The following ARHGAP29 variants were observed in gnomAD, a reference collection of about 807,000 sequenced individuals.
ARHGAP29 encodes the protein rho GTPase-activating protein 29.
Under a neutral mutation model 122.6 loss-of-function variants are expected in ARHGAP29, and 43 were observed. The ratio of observed to expected loss-of-function variants is 0.35; its 90% CI spans 0.27 to 0.45. The LOEUF (loss-of-function observed/expected upper bound fraction) is 0.45. Among genes scored for constraint, ARHGAP29 ranks in the 20% least tolerant of loss-of-function variants. ARHGAP29 has a pLI of 1.00. For synonymous variants in ARHGAP29, 506 were observed against 497.1 expected (o/e 1.02, Z -0.24); for missense variants, 1,303 against 1,477.2 (o/e 0.88, Z 1.93).
chr1:94,237,485 G>A lies in ARHGAP29; in HGVS notation c.-103C>T. 1.0e-6 allele frequency: 1 copy of A among 989,084 alleles called. No individual in the cohort carries two copies. Among genetic ancestry groups the A allele is most frequent in the South Asian group, 4.5e-5 (1 of 22,256 alleles). 61.3% of individuals were successfully genotyped at this position (989,084 alleles called of 1,614,324 possible). On this transcript the variant is annotated 5_prime_UTR_variant, in exon 1 of 23. Coordinates refer to ENST00000260526, the MANE Select transcript of ARHGAP29 (RefSeq NM_004815.4). Reference sequence around the variant, plus strand: ...CCTACGGCCGCCGCCACCGCCGAGGGCTGGAGCTCGCTGCCCCCATCCCCC... The same window carrying A: ...CCTACGGCCGCCGCCACCGCCGAGGACTGGAGCTCGCTGCCCCCATCCCCC...
rs1390862797 is a variant in ARHGAP29, at chr1:94,169,139, G to A, written c.*4730C>T. 3.3e-5 allele frequency among the ~76,000 whole-genome samples: 5 copies of A among 152,016 alleles called. No individual in the cohort carries two copies. Among genetic ancestry groups the A allele is most frequent in the Non-Finnish European group, 5.9e-5 (4 of 68,018 alleles). On this transcript the variant is annotated 3_prime_UTR_variant, in exon 23 of 23. Transcript: ENST00000260526. ...ACATTCCTGGTAAATATGTATAATC[G>A]TACACTTTTAAACTTTCTCTGATAA...
chr1:94,183,605 A>C (rs1339440861), intron 19 of ARHGAP29, among the ~76,000 whole-genome samples: 1 of 152,174 alleles, frequency 6.6e-6, no homozygotes, highest in Non-Finnish European at 1.5e-5. Context: ...ACATGTTCCC[A>C]GGACTCATTC....
chr1:94,219,231 C>T (rs1444651416), intron 3 of ARHGAP29, among the ~76,000 whole-genome samples: 1 of 152,168 alleles, frequency 6.6e-6, no homozygotes, highest in East Asian at 1.9e-4. Flanking sequence ...TTATCGGTAG[C>T]ATTTAACACT....
At chr1:94,302,566 C>T in the ARHGAP29 span, 1 of 355,346 alleles carries the variant, frequency 2.8e-6, no homozygotes, top group Non-Finnish European at 5.5e-6. Flanking sequence ...ATCACTGCTA[C>T]CCAGAAGACT....
intron 1 of ARHGAP29, among the ~76,000 whole-genome samples, chr1:94,265,646 C>T (rs145870086): frequency 6.6e-6 from 1 of 152,268 alleles, no homozygotes; most frequent in African/African-American, 2.4e-5. Context: ...TCTATGTTAC[C>T]AATTTTGAAA....
At chr1:94,229,264 G>C (rs556568476) in intron 2 of ARHGAP29, among the ~76,000 whole-genome samples, 3 of 151,832 alleles carry the variant, frequency 2.0e-5, no homozygotes, top group Admixed American at 2.0e-4. Context: ...AATAGTTAGA[G>C]CATTTTAAAC....
At chr1:94,314,537 A>G in the ARHGAP29 span, among the ~76,000 whole-genome samples, 105 of 152,290 alleles carry the variant, frequency 6.9e-4, 1 homozygote, top group African/African-American at 2.5e-3. Flanking sequence ...GGCAGCACTG[A>G]GTTGACCAAG....
chr1:94,180,033 G>A (rs1649357633), intron 19 of ARHGAP29, 76 bp from the exon 20 acceptor site: 2 of 974,394 alleles, frequency 2.1e-6, no homozygotes, highest in East Asian at 2.5e-5. Flanking sequence ...AACAGTTACA[G>A]AGTGATTTAG....
intron 22 of ARHGAP29, chr1:94,176,598 T>C (rs541084221): frequency 1.3e-5 from 2 of 152,210 alleles, no homozygotes; most frequent in African/African-American, 4.8e-5. Flanking sequence ...ACCTGGTGAA[T>C]GTTAGTTCCA....
At chr1:94,196,885 T>C (rs1273839031) in intron 12 of ARHGAP29, among the ~76,000 whole-genome samples, 1 of 152,098 alleles carries the variant, frequency 6.6e-6, no homozygotes, top group Non-Finnish European at 1.5e-5. Context: ...ACATAAGCAA[T>C]GCTTAGAGCG....
intron 12 of ARHGAP29, among the ~76,000 whole-genome samples, chr1:94,198,453 A>T (rs1650605594): frequency 6.6e-6 from 1 of 152,192 alleles, no homozygotes; most frequent in African/African-American, 2.4e-5. Context: ...CCTGAGTGAC[A>T]GAGTAAAACC....
intron 2 of ARHGAP29, among the ~76,000 whole-genome samples, chr1:94,228,260 G>A (rs2101606077): frequency 6.6e-6 from 1 of 151,750 alleles, no homozygotes; most frequent in African/African-American, 2.4e-5. Flanking sequence ...TCTCACTTGG[G>A]AAATTTTCAT....
the ARHGAP29 span, among the ~76,000 whole-genome samples, chr1:94,314,292 A>C: frequency 6.6e-6 from 1 of 152,312 alleles, no homozygotes; most frequent in Non-Finnish European, 1.5e-5. Flanking sequence ...CAAAAGCACA[A>C]GGCTGCTTCA....
At chr1:94,272,037 G>A (rs956998692) in intron 1 of ARHGAP29, among the ~76,000 whole-genome samples, 2 of 152,130 alleles carry the variant, frequency 1.3e-5, no homozygotes, top group Non-Finnish European at 2.9e-5. Flanking sequence ...TTGGGGACCT[G>A]TTGATAATCC....
chr1:94,203,512 A>G (rs1466062192), intron 8 of ARHGAP29, among the ~76,000 whole-genome samples: 1 of 152,192 alleles, frequency 6.6e-6, no homozygotes, highest in Non-Finnish European at 1.5e-5. Context: ...AGGTGGGTGG[A>G]TTACTTGAGC....
the ARHGAP29 span, among the ~76,000 whole-genome samples, chr1:94,296,962 T>C: frequency 6.6e-6 from 1 of 152,218 alleles, no homozygotes; most frequent in African/African-American, 2.4e-5. Context: ...GATTTCATTT[T>C]GTCTGTGAAG....
At chr1:94,263,879 A>G (rs1654654517) in intron 1 of ARHGAP29, among the ~76,000 whole-genome samples, 1 of 152,180 alleles carries the variant, frequency 6.6e-6, no homozygotes, top group Non-Finnish European at 1.5e-5. Context: ...TGGCCACATA[A>G]TAGTTCATCT....
the ARHGAP29 span, among the ~76,000 whole-genome samples, chr1:94,284,658 C>A: frequency 6.6e-6 from 1 of 152,318 alleles, no homozygotes; most frequent in African/African-American, 2.4e-5. Context: ...TGGAGTAAAG[C>A]CGCATTCAGC....
At chr1:94,301,601 A>G in the ARHGAP29 span, among the ~76,000 whole-genome samples, 2 of 152,270 alleles carry the variant, frequency 1.3e-5, no homozygotes, top group East Asian at 1.9e-4. Flanking sequence ...TGCCCCTTGT[A>G]TGGTGGCCAG....
Sources: gnomAD v4.1 joint callset for allele counts (sites outside exome capture counted in the v4.1 genomes callset) on GRCh38, gnomAD v4.1.1 for gene constraint, MANE v1.5 for transcripts, NCBI Gene and HGNC (gene_info 2026-07-23, HGNC 2026-07-21) for gene names.